The following DNAH12 variants were observed in gnomAD, a reference collection of about 807,000 sequenced individuals.
DNAH12 encodes axonemal beta dynein heavy chain 12.
A neutral mutation model predicts 371.5 loss-of-function variants in DNAH12; 285 were observed. That is an observed-to-expected ratio of 0.77 (90% CI 0.70 to 0.85). DNAH12 has a LOEUF of 0.85. Among genes scored for constraint, DNAH12 ranks in the 40% least tolerant of loss-of-function variants. The probability of loss-of-function intolerance (pLI) is 0.00; values close to 1 mark genes in which losing one functional copy is unlikely to be tolerated. For synonymous variants in DNAH12, 1,200 were observed against 1,213.0 expected (o/e 0.99, Z 0.22); for missense variants, 3,611 against 3,689.4 (o/e 0.98, Z 0.55).
intron 40 of DNAH12, among the ~76,000 whole-genome samples, chr3:57,406,595 T>C (rs11714261): frequency 0.35 from 47,394 of 134,268 alleles, 8,491 homozygotes; most frequent in Non-Finnish European, 0.44. Context: ...TGAGGTTAAA[T>C]AGTGAAAAAC....
chr3:57,397,965 G>A (rs1478083433), intron 43 of DNAH12, among the ~76,000 whole-genome samples: 1 of 152,116 alleles, frequency 6.6e-6, no homozygotes, highest in African/African-American at 2.4e-5. Flanking sequence ...ATAAGGAAAT[G>A]CAGATCTATG....
intron 11 of DNAH12, among the ~76,000 whole-genome samples, chr3:57,496,143 T>A (rs1243637895): frequency 6.6e-6 from 1 of 151,760 alleles, no homozygotes; most frequent in Admixed American, 6.6e-5. Context: ...ACCACTTGAG[T>A]GAACTTGGAA....
rs57508616 is a variant in DNAH12, at chr3:57,418,365, C to CAA, written c.5714+1000_5714+1001dup. Among the ~76,000 whole-genome samples the CAA allele has an allele frequency of 2.3e-3, 99 of 42,874 alleles. 8 individuals are homozygous for CAA. Among genetic ancestry groups the CAA allele is most frequent in the African/African-American group, 3.3e-3 (38 of 11,680 alleles). 28.1% of individuals were successfully genotyped at this position (42,874 alleles called of 152,430 possible). ...GATGAGTCTGGGCAACCTGTCTCTACAAAAAAAAAAAAAAAAAAAAAAAAA... is the reference window on the plus strand; with the variant it reads ...GATGAGTCTGGGCAACCTGTCTCTACAAAAAAAAAAAAAAAAAAAAAAAAAAA... On this transcript the variant is annotated intron_variant, in intron 37 of 73. Coordinates refer to ENST00000495027, the MANE Select transcript of DNAH12 (RefSeq NM_001366028.2).
intron 50 of DNAH12, among the ~76,000 whole-genome samples, chr3:57,380,758 C>A (rs1437821615): frequency 6.6e-6 from 1 of 152,202 alleles, no homozygotes; most frequent in Non-Finnish European, 1.5e-5. Context: ...AGCCACCATG[C>A]CCAGCTTAAT....
rs201912157 is a variant in DNAH12, at chr3:57,313,461, GAAC to G, written c.10662+1030_10662+1032del. 5.9e-3 allele frequency among the ~76,000 whole-genome samples: 899 copies of G among 152,286 alleles called. 11 individuals are homozygous for G. The highest frequency in any genetic ancestry group is 0.021 in the African/African-American group (872 of 41,552). ...GAGCTCAGGAGTTTGAGACAAGCCT[GAAC>G]AACAAGGTAAAACCCCATTTCTACT... On this transcript the variant is annotated intron_variant, in intron 66 of 73. Coordinates refer to ENST00000495027, the MANE Select transcript of DNAH12 (RefSeq NM_001366028.2).
chr3:57,424,055 T>C (rs959402758), intron 35 of DNAH12, among the ~76,000 whole-genome samples: 3 of 152,156 alleles, frequency 2.0e-5, no homozygotes, highest in African/African-American at 7.2e-5. Flanking sequence ...TGGTCTTTCA[T>C]AGCTAGCTTT....
At chr3:57,421,436 C>A in intron 36 of DNAH12, 82 bp downstream of exon 36, 1 of 1,401,792 alleles carries the variant, frequency 7.1e-7, no homozygotes, top group South Asian at 1.4e-5. Context: ...CAAAATAACT[C>A]TAGGATGAAA....
At chr3:57,306,089 TG>T (rs1007557932) in intron 69 of DNAH12, among the ~76,000 whole-genome samples, 1 of 152,144 alleles carries the variant, frequency 6.6e-6, no homozygotes, top group African/African-American at 2.4e-5. Flanking sequence ...CCAGAGCCCC[TG>T]GAACTCTGGC....
At chr3:57,535,772 C>T (rs755969741) in intron 2 of DNAH12, among the ~76,000 whole-genome samples, 5 of 151,364 alleles carry the variant, frequency 3.3e-5, no homozygotes, top group Non-Finnish European at 5.9e-5. Flanking sequence ...GAACTCCCAA[C>T]CTCAGGTGAT....
intron 69 of DNAH12, among the ~76,000 whole-genome samples, chr3:57,302,529 GTATATATATATATATATATA>G (rs71088055): frequency 2.1e-5 from 1 of 47,850 alleles, no homozygotes; most frequent in African/African-American, 8.5e-5. Context: ...GGCATCAGGT[GTATATATATATATATATATA>G]TATATATATA....
At chr3:57,511,311 A>G (rs1287131232) in intron 4 of DNAH12, among the ~76,000 whole-genome samples, 2 of 152,162 alleles carry the variant, frequency 1.3e-5, no homozygotes, top group East Asian at 3.8e-4. Context: ...ATATTCAGAC[A>G]TTGTTCTAAA....
intron 10 of DNAH12, 88 bp downstream of exon 10, chr3:57,502,235 G>A: frequency 2.0e-6 from 3 of 1,528,752 alleles, no homozygotes; most frequent in African/African-American, 1.4e-5. Context: ...GTTCTTTCAT[G>A]GCAGCCCCAG....
Position 57,301,844 on chromosome 3 carries a change from C to A in DNAH12, c.11285G>T (p.Ser3762Ile), listed in dbSNP as rs866343301. The change falls in exon 70 of 74, where the codon AGC (serine) becomes ATC (isoleucine). Residue 3762 changes from serine to isoleucine, a missense_variant. By Grantham distance (142) the Ser-to-Ile change is moderately radical. Coordinates refer to ENST00000495027, the MANE Select transcript of DNAH12 (RefSeq NM_001366028.2). ...TTCTGGAACCTTTCCAACAAGTAAG[C>A]TACCGGAGAGTGCCTCCAATGCAGA... ...MDSALEALSG[S>I]LLVGKVPEIW... is the part of the protein sequence containing the mutation. 6.4e-7 allele frequency: 1 copy of A among 1,551,610 alleles called. No individual in the cohort carries two copies. Among genetic ancestry groups the A allele is most frequent in the Non-Finnish European group, 8.7e-7 (1 of 1,146,986 alleles).
chr3:57,427,671 C>A (rs2064820465), intron 34 of DNAH12, among the ~76,000 whole-genome samples: 1 of 150,504 alleles, frequency 6.6e-6, no homozygotes, highest in African/African-American at 2.5e-5. Context: ...GCCTGGGTGA[C>A]AGAGCAAGAC....
chr3:57,514,333 G>T (rs867340878), intron 4 of DNAH12, among the ~76,000 whole-genome samples: 8 of 151,400 alleles, frequency 5.3e-5, no homozygotes, highest in Non-Finnish European at 8.8e-5. Context: ...GGCAGAGGTT[G>T]CAGTGAGCCG....
intron 58 of DNAH12, among the ~76,000 whole-genome samples, chr3:57,360,355 T>C (rs2062897650): frequency 6.6e-6 from 1 of 151,892 alleles, no homozygotes; most frequent in Non-Finnish European, 1.5e-5. Flanking sequence ...TCATGCAAAA[T>C]AAATCTATCC....
chr3:57,459,547 A>G, intron 20 of DNAH12, 45 bp downstream of exon 20: 1 of 1,308,146 alleles, frequency 7.6e-7, no homozygotes, highest in Non-Finnish European at 9.8e-7. Context: ...TTAATTTCCA[A>G]AAACAAAGGT....
upstream of DNAH12, among the ~76,000 whole-genome samples, chr3:57,546,534 T>A (rs547165413): frequency 5.5e-4 from 84 of 152,262 alleles, no homozygotes; most frequent in African/African-American, 1.8e-3. Context: ...GTTGGGACAG[T>A]GTCTTACTAT....
At chr3:57,356,240 G>T (rs1039292592) in intron 59 of DNAH12, among the ~76,000 whole-genome samples, 3 of 152,046 alleles carry the variant, frequency 2.0e-5, no homozygotes, top group African/African-American at 7.2e-5. Flanking sequence ...CCAGGAGTTC[G>T]AGACCAGCCT....
Sources: gnomAD v4.1 joint callset for allele counts (sites outside exome capture counted in the v4.1 genomes callset) on GRCh38, gnomAD v4.1.1 for gene constraint, MANE v1.5 for transcripts, NCBI Gene and HGNC (gene_info 2026-07-23, HGNC 2026-07-21) for gene names.